The following SMAD4 variants were observed in gnomAD, a reference collection of about 807,000 sequenced individuals.
SMAD4 encodes SMAD family member 4, also known as MAD homolog 4.
A neutral mutation model predicts 63.2 loss-of-function variants in SMAD4; 7 were observed. The observed-to-expected ratio is 0.11, with a 90% CI of 0.06 to 0.21. The LOEUF is 0.21. Among genes scored for constraint, SMAD4 ranks in the 10% least tolerant of loss-of-function variants. The pLI is 1.00. For synonymous variants in SMAD4, 215 were observed against 235.4 expected (o/e 0.91, Z 0.79); for missense variants, 312 against 693.8 (o/e 0.45, Z 6.18).
intron 1 of SMAD4, among the ~76,000 whole-genome samples, chr18:51,035,587 C>G (rs1909178969): frequency 6.6e-6 from 1 of 152,138 alleles, no homozygotes; most frequent in African/African-American, 2.4e-5. Context: ...ACTTGGTAAA[C>G]CTTACATTTT....
chr18:51,045,682 A>G (rs188248717), intron 1 of SMAD4, among the ~76,000 whole-genome samples: 7 of 152,286 alleles, frequency 4.6e-5, no homozygotes, highest in Non-Finnish European at 8.8e-5. Flanking sequence ...AAAGTGTACA[A>G]TTCAGTGGTT....
chr18:51,042,324 C>CCTCCCTCT (rs565604027), intron 1 of SMAD4, among the ~76,000 whole-genome samples: 116 of 108,300 alleles, frequency 1.1e-3, no homozygotes, highest in Middle Eastern at 0.01. Flanking sequence ...TCCCTCCCTC[C>CCTCCCTCT]CTCCCTCTCT....
intron 1 of SMAD4, among the ~76,000 whole-genome samples, chr18:51,030,912 CTT>C (rs1464025326): frequency 1.3e-5 from 2 of 152,234 alleles, no homozygotes; most frequent in African/African-American, 4.8e-5. Context: ...CGCCGCTCCT[CTT>C]TGTTGTTCTC....
At chr18:51,075,315 A>G (rs562735241) in intron 10 of SMAD4, among the ~76,000 whole-genome samples, 6 of 152,308 alleles carry the variant, frequency 3.9e-5, no homozygotes, top group Admixed American at 3.9e-4. Context: ...TTCTAAAACT[A>G]TTGTTTATCA....
At chr18:51,073,796 G>T (rs1910400017) in intron 10 of SMAD4, among the ~76,000 whole-genome samples, 1 of 152,004 alleles carries the variant, frequency 6.6e-6, no homozygotes, top group Non-Finnish European at 1.5e-5. Context: ...CTCCCAAAGT[G>T]CTGGGATTAC....
At position 51,052,016 on chromosome 18, in the gene SMAD4, T is replaced by C. The variant is rs550781768; in HGVS notation, c.454+2692T>C. ...TTAGTAGAGATGGGGTTTCACCATG[T>C]TGGCCGGCTGGTCTCGAACTCCTGA... On this transcript the variant is annotated intron_variant, in intron 4 of 11. Transcript: ENST00000342988. 1.4e-3 allele frequency among the ~76,000 whole-genome samples: 216 copies of C among 152,228 alleles called. 1 individual carries two copies. Among genetic ancestry groups the C allele is most frequent in the Non-Finnish European group, 2.4e-3 (162 of 68,016 alleles).
At chr18:51,036,954 G>A (rs1047609433) in intron 1 of SMAD4, among the ~76,000 whole-genome samples, 2 of 152,212 alleles carry the variant, frequency 1.3e-5, no homozygotes, top group African/African-American at 2.4e-5. Flanking sequence ...GAGGTCAGGA[G>A]TTTGAGACCA....
intron 1 of SMAD4, among the ~76,000 whole-genome samples, chr18:51,032,114 T>A (rs1909069121): frequency 6.6e-6 from 1 of 152,236 alleles, no homozygotes; most frequent in South Asian, 2.1e-4. Context: ...GCTTTAGGTC[T>A]AAAGACGATG....
chr18:51,044,995 A>G (rs1420599850), intron 1 of SMAD4: 2 of 152,252 alleles, frequency 1.3e-5, no homozygotes, highest in Non-Finnish European at 2.9e-5. Context: ...ATGAGTTGAG[A>G]CAGACATTTA....
At chr18:51,063,473 C>A (rs1179338570) in intron 8 of SMAD4, among the ~76,000 whole-genome samples, 1 of 152,070 alleles carries the variant, frequency 6.6e-6, no homozygotes. Context: ...AGTGCAGTGG[C>A]ACTCTCATGG....
chr18:51,045,888 G>T (rs1285971116), intron 1 of SMAD4, among the ~76,000 whole-genome samples: 1 of 152,196 alleles, frequency 6.6e-6, no homozygotes, highest in African/African-American at 2.4e-5. Flanking sequence ...ATTATATAAT[G>T]TGTGACCTTT....
At chr18:51,070,130 G>A (rs974169065) in intron 10 of SMAD4, among the ~76,000 whole-genome samples, 11 of 152,214 alleles carry the variant, frequency 7.2e-5, no homozygotes. Context: ...GTAATTTAAA[G>A]TGACTGGATA....
At chr18:51,032,063 AAATGT>A (rs1208741677) in intron 1 of SMAD4, among the ~76,000 whole-genome samples, 3 of 152,224 alleles carry the variant, frequency 2.0e-5, no homozygotes. Context: ...GTTACAGAAC[AAATGT>A]AATAGAGATG....
chr18:51,078,809 A>G lies in SMAD4; in HGVS notation c.*342A>G, dbSNP rs930794546. 1.3e-5 allele frequency: 4 copies of G among 305,640 alleles called. No homozygotes were observed. The highest frequency in any genetic ancestry group is 9.4e-5 in the East Asian group (2 of 21,276). The allele number at this position is 305,640 out of a possible 1,614,324, so 18.9% of individuals were successfully genotyped here. On this transcript the variant is annotated 3_prime_UTR_variant, in exon 12 of 12. Coordinates refer to ENST00000342988, the MANE Select transcript of SMAD4 (RefSeq NM_005359.6). ...TTTTATCTGCAGAACATCGATATGTATATCATTCTACAGAATAATCCAGTA... is the reference window on the plus strand; with the variant it reads ...TTTTATCTGCAGAACATCGATATGTGTATCATTCTACAGAATAATCCAGTA...
In SMAD4 at chr18:51,036,576, TAATG is replaced by T. The variant is rs367819312; in HGVS notation, c.-128+5956_-128+5959del. ...GGAAGAATGTGTATAGATGCTGAAA[TAATG>T]AAGGGGCTGGCTAATTGTAAGGAAA... On this transcript the variant is annotated intron_variant, in intron 1 of 11. Coordinates refer to ENST00000342988, the MANE Select transcript of SMAD4 (RefSeq NM_005359.6). Among the ~76,000 whole-genome samples the T allele has an allele frequency of 2.3e-3, 343 of 152,362 alleles. 2 individuals are homozygous for T. Among genetic ancestry groups the T allele is most frequent in the African/African-American group, 8.0e-3 (334 of 41,582 alleles).
At position 51,046,785 on chromosome 18, in the gene SMAD4, A is replaced by C. The variant is rs181270148; in HGVS notation, c.-127-135A>C. 275 of 431,596 alleles carry C rather than the reference A, an allele frequency of 6.4e-4. 4 individuals carry two copies. The East Asian group carries it at 8.8e-3, about 14-fold the overall frequency. 26.7% of individuals were successfully genotyped at this position (431,596 alleles called of 1,614,324 possible). The stretch of plus-strand genomic sequence containing the variant: ...TTTGTAAGAATTTTAAGTAATTTTC[A>C]ACTCTGAGCATCAAATTTTAATTAT... On this transcript the variant is annotated intron_variant, in intron 1 of 11. Coordinates refer to ENST00000342988, the MANE Select transcript of SMAD4 (RefSeq NM_005359.6).
intron 10 of SMAD4, among the ~76,000 whole-genome samples, chr18:51,070,437 T>C (rs554833308): frequency 9.8e-5 from 15 of 152,320 alleles, no homozygotes; most frequent in African/African-American, 2.2e-4. Context: ...GGACAAGATA[T>C]TTGGAATTTA....
At chr18:51,047,376 G>C (rs1599181392) in intron 2 of SMAD4, 81 bp downstream of exon 2, 2 of 1,282,502 alleles carry the variant, frequency 1.6e-6, no homozygotes, top group East Asian at 2.3e-5. Flanking sequence ...AGCTACTACA[G>C]GGTAATTTAA....
chr18:51,046,770 T>C (rs569144833), intron 1 of SMAD4, 150 bp from the exon 2 acceptor site: 12 of 429,544 alleles, frequency 2.8e-5, no homozygotes, highest in African/African-American at 2.2e-4. Flanking sequence ...TTTGTAAGAA[T>C]TTTAAGTAAT....
Sources: gnomAD v4.1 joint callset for allele counts (sites outside exome capture counted in the v4.1 genomes callset) on GRCh38, gnomAD v4.1.1 for gene constraint, MANE v1.5 for transcripts, NCBI Gene and HGNC (gene_info 2026-07-23, HGNC 2026-07-21) for gene names.